Variants in PARD6G observed in about 807,000 individuals in gnomAD.
PARD6G encodes the protein partitioning defective 6 homolog gamma.
Under a neutral mutation model 10.7 loss-of-function variants are expected in PARD6G, and 7 were observed. That is an observed-to-expected ratio of 0.66 (90% confidence interval 0.37 to 1.23). PARD6G has a LOEUF of 1.23. PARD6G is among the 50% of genes most tolerant of loss of function. The pLI is 0.02. For synonymous variants in PARD6G, 287 were observed against 269.4 expected (o/e 1.07, Z -0.64); for missense variants, 548 against 571.8 (o/e 0.96, Z 0.42).
At chr18:80,239,919 T>C (rs1482108836) in intron 1 of PARD6G, among the ~76,000 whole-genome samples, 1 of 151,746 alleles carries the variant, frequency 6.6e-6, no homozygotes, top group Non-Finnish European at 1.5e-5. Context: ...CCAGTATCTG[T>C]TTCTGGGGAG....
chr18:80,159,441 T>C lies in PARD6G; in HGVS notation c.*330A>G, dbSNP rs2052679032. 1 of 242,524 alleles carries C rather than the reference T, an allele frequency of 4.1e-6. No individual in the cohort carries two copies. Among genetic ancestry groups the C allele is most frequent in the African/African-American group, 2.2e-5 (1 of 44,540 alleles). The allele number at this position is 242,524 out of a possible 1,614,324, so 15.0% of individuals were successfully genotyped here. ...TTTGACTATTTTAAAAAAGTAATTT[T>C]AAAGCTTCACTTTAAAAACAAAGTA... On this transcript the variant is annotated 3_prime_UTR_variant, in exon 3 of 3. Transcript: ENST00000353265.
chr18:80,168,573 T>TTGTGTGTGTGTG (rs3051500), intron 2 of PARD6G, among the ~76,000 whole-genome samples: 43 of 144,424 alleles, frequency 3.0e-4, no homozygotes, highest in African/African-American at 1.1e-3. Context: ...CAAATTATGT[T>TTGTGTGTGTGTG]TGTGTGTGTG....
At position 80,247,145 on chromosome 18, in the gene PARD6G, C is replaced by G; in HGVS notation, c.72+132G>C. 3.5e-6 allele frequency: 2 copies of G among 574,298 alleles called. No individual in the cohort carries two copies. Among genetic ancestry groups the G allele is most frequent in the Non-Finnish European group, 5.5e-6 (2 of 365,808 alleles). The allele number at this position is 574,298 out of a possible 1,614,324, so 35.6% of individuals were successfully genotyped here. ...CCAGTGCGCGTCCCGCGGAGCGGCG[C>G]GCGGCGCCCGAACTGGAAAGTTGTC... On this transcript the variant is annotated intron_variant, in intron 1 of 2. Transcript: ENST00000353265. This position sits in a 1 kb window ranked among gnomAD's most constrained non-coding sequence, Gnocchi z 4.2.
Position 80,247,368 on chromosome 18 carries a change from C to CTCGCCG in PARD6G, c.-26_-21dup, listed in dbSNP as rs773245283. On this transcript the variant is annotated 5_prime_UTR_variant, in exon 1 of 3. Coordinates refer to ENST00000353265, the MANE Select transcript of PARD6G (RefSeq NM_032510.4). The surrounding 1 kb of genome is among the most constrained non-coding windows in gnomAD (Gnocchi z 4.2). ...GTTCATGGTTTCGGCCCCGGTCAGC[C>CTCGCCG]TCGCCGTCGCCCTCGCTCCTCAGGG... The CTCGCCG allele has an allele frequency of 1.5e-4, 227 of 1,551,354 alleles. No individual in the cohort carries two copies. The highest frequency in any genetic ancestry group is 1.9e-4 in the Non-Finnish European group (219 of 1,147,306).
At chr18:80,244,450 C>G (rs1967521540) in intron 1 of PARD6G, among the ~76,000 whole-genome samples, 1 of 152,154 alleles carries the variant, frequency 6.6e-6, no homozygotes, top group Non-Finnish European at 1.5e-5. Context: ...GGTCCTGTCC[C>G]TAAGCACTGG....
rs535223079 is a variant in PARD6G, at chr18:80,226,867, G to T, written c.72+20410C>A. Among the ~76,000 whole-genome samples, 3 of 152,320 alleles carry T rather than the reference G, an allele frequency of 2.0e-5. No homozygotes were observed. The South Asian group carries it at 6.2e-4, about 32-fold the overall frequency. On this transcript the variant is annotated intron_variant, in intron 1 of 2. Coordinates refer to ENST00000353265, the MANE Select transcript of PARD6G (RefSeq NM_032510.4). The stretch of plus-strand genomic sequence containing the variant: ...AAAATTTTTAATTGCCATATTACGA[G>T]TGGCAGGAAACTGCTGCGGCTTACC...
chr18:80,191,977 T>C (rs1290601449), intron 2 of PARD6G, among the ~76,000 whole-genome samples: 1 of 152,206 alleles, frequency 6.6e-6, no homozygotes, highest in African/African-American at 2.4e-5. Context: ...CAAACCAGCC[T>C]CCAAAGCCAA....
chr18:80,219,805 A>G (rs1050534639), intron 1 of PARD6G, among the ~76,000 whole-genome samples: 3 of 152,182 alleles, frequency 2.0e-5, no homozygotes, highest in Admixed American at 6.6e-5. Context: ...ACAAGTCTCT[A>G]GGAAGTTCCA....
At chr18:80,232,843 C>G (rs1374143885) in intron 1 of PARD6G, among the ~76,000 whole-genome samples, 1 of 152,194 alleles carries the variant, frequency 6.6e-6, no homozygotes, top group Non-Finnish European at 1.5e-5. Flanking sequence ...TAGGAAGCAG[C>G]CCATCCCTGA....
chr18:80,202,652 C>A, intron 2 of PARD6G, 58 bp downstream of exon 2: 1 of 1,489,874 alleles, frequency 6.7e-7, no homozygotes, highest in Admixed American at 1.7e-5. Context: ...AAATTGAAAA[C>A]TGTATTTTAA....
At chr18:80,244,852 T>C (rs1176145613) in intron 1 of PARD6G, among the ~76,000 whole-genome samples, 2 of 152,036 alleles carry the variant, frequency 1.3e-5, no homozygotes, top group Non-Finnish European at 2.9e-5. Flanking sequence ...GATGCTACAG[T>C]AACAAATATT....
Position 80,159,791 on chromosome 18 carries a change from C to T in PARD6G, c.1111G>A (p.Gly371Arg), listed in dbSNP as rs1005660051. Reference protein sequence around the residue: ...ALPPGGVEEHGPAVTL With the variant: ...ALPPGGVEEHRPAVTL Reference sequence around the variant, plus strand: ...GGAGTCTAGAGCGTGACCGCGGGCCCGTGCTCCTCCACGCCGCCTGGCGGC... The same window carrying T: ...GGAGTCTAGAGCGTGACCGCGGGCCTGTGCTCCTCCACGCCGCCTGGCGGC... Residue 371 changes from glycine to arginine, a missense_variant, in exon 3 of 3, where the codon GGG becomes AGG. Coordinates refer to ENST00000353265, the MANE Select transcript of PARD6G (RefSeq NM_032510.4). 1 of 1,443,212 alleles carries T rather than the reference C, an allele frequency of 6.9e-7. No individual in the cohort carries two copies. Among genetic ancestry groups the T allele is most frequent in the South Asian group, 1.5e-5 (1 of 66,990 alleles). 89.4% of individuals were successfully genotyped at this position (1,443,212 alleles called of 1,614,324 possible).
chr18:80,200,064 G>T lies in PARD6G; in HGVS notation c.295+2646C>A, dbSNP rs183860629. Among the ~76,000 whole-genome samples, 3 of 152,088 alleles carry T rather than the reference G, an allele frequency of 2.0e-5. No homozygotes were observed. The highest frequency in any genetic ancestry group is 4.4e-5 in the Non-Finnish European group (3 of 68,024). ...CTTAACATATATTTAAATAAAATAC[G>T]TCCGTGTACAGAAAGTTATTAAGTA... On this transcript the variant is annotated intron_variant, in intron 2 of 2. Transcript: ENST00000353265. This position sits in a 1 kb window ranked among gnomAD's most constrained non-coding sequence, Gnocchi z 4.4.
rs563104795 is a variant in PARD6G at position 80,174,889 on chromosome 18, G to GCTTGC, written c.296-14284_296-14283insGCAAG. On this transcript the variant is annotated intron_variant, in intron 2 of 2. Transcript: ENST00000353265. ...GAATGGCGTGAACCCGGGAGGCGGA[G>GCTTGC]AGTGAGCCGAGATTGTACCACTGCA... Among the ~76,000 whole-genome samples, 361 of 152,134 alleles carry GCTTGC rather than the reference G, an allele frequency of 2.4e-3. 1 individual carries two copies. The highest frequency in any genetic ancestry group is 3.8e-3 in the Non-Finnish European group (257 of 67,984).
At chr18:80,206,077 A>G (rs564812940) in intron 1 of PARD6G, among the ~76,000 whole-genome samples, 3 of 152,356 alleles carry the variant, frequency 2.0e-5, no homozygotes, top group South Asian at 2.1e-4. Flanking sequence ...CCTAAAACAC[A>G]TCTCAGTTTC....
chr18:80,218,545 TCC>T (rs1967195201), intron 1 of PARD6G, among the ~76,000 whole-genome samples: 1 of 152,140 alleles, frequency 6.6e-6, no homozygotes, highest in Admixed American at 6.5e-5. Flanking sequence ...CAGGTACGGC[TCC>T]CCTCCTGGTT....
In PARD6G at chr18:80,160,151, TGGC is replaced by T; in HGVS notation, c.748_750del (p.Ala250del). ...CCGCGCACCACGTTGTTGCGCTGGT[TGGC>T]GGGCTTGACGGTGACGATGAGGTTG... On this transcript the variant is annotated inframe_deletion, in exon 3 of 3. Transcript: ENST00000353265. 1 of 1,613,320 alleles carries T rather than the reference TGGC, an allele frequency of 6.2e-7. No homozygotes were observed. The highest frequency in any genetic ancestry group is 8.5e-7 in the Non-Finnish European group (1 of 1,179,762).
chr18:80,222,376 A>G (rs1967241049), intron 1 of PARD6G, among the ~76,000 whole-genome samples: 2 of 152,178 alleles, frequency 1.3e-5, no homozygotes, highest in African/African-American at 4.8e-5. Flanking sequence ...AGCATGAGCC[A>G]TGGCACCCAG....
At position 80,159,766 on chromosome 18, in the gene PARD6G, G is replaced by A. The variant is rs1568423620; in HGVS notation, c.*5C>T. 3 of 1,401,510 alleles carry A rather than the reference G, an allele frequency of 2.1e-6. No individual in the cohort carries two copies. Among genetic ancestry groups the A allele is most frequent in the Admixed American group, 3.8e-5 (1 of 26,394 alleles). 86.8% of individuals were successfully genotyped at this position (1,401,510 alleles called of 1,614,324 possible). On this transcript the variant is annotated 3_prime_UTR_variant, in exon 3 of 3. Coordinates refer to ENST00000353265, the MANE Select transcript of PARD6G (RefSeq NM_032510.4). ...GGAGCTAGGATTTGGGGGCCTCTCGGGAGTCTAGAGCGTGACCGCGGGCCC... is the reference window on the plus strand; with the variant it reads ...GGAGCTAGGATTTGGGGGCCTCTCGAGAGTCTAGAGCGTGACCGCGGGCCC...
Sources: gnomAD v4.1 joint callset for allele counts (sites outside exome capture counted in the v4.1 genomes callset) on GRCh38, gnomAD v4.1.1 for gene constraint, Gnocchi (gnomAD v3.1) non-coding constraint, MANE v1.5 for transcripts, NCBI Gene and HGNC (gene_info 2026-07-23, HGNC 2026-07-21) for gene names.